Variants in N4BP2 observed in about 807,000 individuals in gnomAD.
The protein encoded by N4BP2 is NEDD4-binding protein 2.
Under a neutral mutation model 152.8 loss-of-function variants are expected in N4BP2, and 91 were observed. That is an observed-to-expected ratio of 0.60 (90% CI 0.50 to 0.71). N4BP2 has a LOEUF of 0.71. N4BP2 is among the 30% of genes least tolerant of loss of function. The probability of loss-of-function intolerance (pLI) is 0.00; values close to 1 mark genes in which losing one functional copy is unlikely to be tolerated. For synonymous variants in N4BP2, 646 were observed against 705.3 expected, an observed-to-expected ratio of 0.92 and a Z score of 1.33; for missense variants, 1,923 against 2,059.1, an observed-to-expected ratio of 0.93 and a Z score of 1.28.
At chr4:40,077,023 A>AT (rs1170628265) in intron 2 of N4BP2, among the ~76,000 whole-genome samples, 5 of 151,482 alleles carry the variant, frequency 3.3e-5, no homozygotes, top group African/African-American at 7.3e-5. Context: ...ATATAGAGAG[A>AT]TTTTTTTTGT....
chr4:40,117,683 ATAATT>A (rs1560609474), intron 7 of N4BP2, among the ~76,000 whole-genome samples, 181 bp from the exon 8 acceptor site: 2 of 152,246 alleles, frequency 1.3e-5, no homozygotes, highest in Non-Finnish European at 2.9e-5. Context: ...ACTTAAGTGT[ATAATT>A]TAAGAAATCC....
At chr4:40,077,427 C>T (rs7686083) in intron 2 of N4BP2, among the ~76,000 whole-genome samples, 54,550 of 149,330 alleles carry the variant, frequency 0.37, 10,640 homozygotes, top group Middle Eastern at 0.46. Context: ...GGATTACAGG[C>T]GTGAACCACT....
chr4:40,084,418 A>G (rs1384582805), intron 2 of N4BP2, among the ~76,000 whole-genome samples: 1 of 149,756 alleles, frequency 6.7e-6, no homozygotes, highest in Non-Finnish European at 1.5e-5. Context: ...TCACTTTTAG[A>G]TATGCCTGGT....
chr4:40,098,048 C>G lies in N4BP2; in HGVS notation c.229+479C>G, dbSNP rs1188350573. On this transcript the variant is annotated intron_variant, in intron 3 of 17. Coordinates refer to ENST00000261435, the MANE Select transcript of N4BP2 (RefSeq NM_018177.6). Reference sequence around the variant, plus strand: ...ATTGTACCTCGTTGAGAACCACTCTCCTAGAATGTAAGCTCCATAAAGACA... The same window carrying G: ...ATTGTACCTCGTTGAGAACCACTCTGCTAGAATGTAAGCTCCATAAAGACA... Among the ~76,000 whole-genome samples, 3 of 152,164 alleles carry G rather than the reference C, an allele frequency of 2.0e-5. No homozygotes were observed. The East Asian group carries it at 5.8e-4, about 29-fold the overall frequency.
At chr4:40,189,148 CACAAAACAAA>C in the N4BP2 span, among the ~76,000 whole-genome samples, 946 of 149,210 alleles carry the variant, frequency 6.3e-3, 15 homozygotes, top group East Asian at 0.067. This position sits in a 1 kb window ranked among gnomAD's most constrained non-coding sequence, Gnocchi z 4.3. Context: ...CTGTCTCAAA[CACAAAACAAA>C]ACAAAACAAA....
Position 40,121,025 on chromosome 4 carries a change from C to T in N4BP2, c.2914C>T (p.His972Tyr), listed in dbSNP as rs1450433588. 7 of 1,613,934 alleles carry T rather than the reference C, an allele frequency of 4.3e-6. No homozygotes were observed. Among genetic ancestry groups the T allele is most frequent in the Non-Finnish European group, 5.9e-6 (7 of 1,180,030 alleles). The change falls in exon 9 of 18, where the codon CAC (histidine) becomes TAC (tyrosine). Residue 972 changes from histidine to tyrosine, a missense_variant. Transcript: ENST00000261435. ...TCTAAGTAAAAAGAGTCATGGGCAA[C>T]ACACATCGTTGCCTCTTACTTTTAC... is the stretch of plus-strand genomic sequence containing the variant. The part of the protein sequence containing the change: ...TCLSKKSHGQ[H>Y]TSLPLTFTNS...
At chr4:40,057,412 C>T (rs568675654) in intron 1 of N4BP2, among the ~76,000 whole-genome samples, 6 of 152,372 alleles carry the variant, frequency 3.9e-5, no homozygotes, top group Middle Eastern at 3.4e-3. Context: ...ACCTTGCGCC[C>T]CTCCAGGCGC....
In N4BP2 at chr4:40,121,722, C is replaced by T. The variant is rs528822021; in HGVS notation, c.3611C>T (p.Ala1204Val). The T allele has an allele frequency of 1.9e-5, 31 of 1,613,896 alleles. No individual in the cohort carries two copies. In the Admixed American group the frequency reaches 2.5e-4, roughly 13 times the overall value. Residue 1204 changes from alanine to valine, a missense_variant, in exon 9 of 18, where the codon GCG becomes GTG. Transcript: ENST00000261435. ...CDAERGNSEQ[A>V]EMRAVTPENH... ...GCAGAAAGAGGAAACTCAGAGCAGG[C>T]GGAAATGAGAGCTGTCACTCCTGAA...
chr4:40,154,129 G>A (rs1721409928), intron 17 of N4BP2, 63 bp from the exon 18 acceptor site: 1 of 1,112,158 alleles, frequency 9.0e-7, no homozygotes, highest in East Asian at 2.4e-5. Flanking sequence ...TTGATTACAA[G>A]GTATATTCCT....
chr4:40,065,728 A>C (rs1733988862), intron 1 of N4BP2, among the ~76,000 whole-genome samples: 1 of 152,166 alleles, frequency 6.6e-6, no homozygotes, highest in African/African-American at 2.4e-5. Context: ...TAAAATTTTT[A>C]GACAGTTCTT....
chr4:40,188,608 G>T, the N4BP2 span, among the ~76,000 whole-genome samples: 1 of 152,042 alleles, frequency 6.6e-6, no homozygotes, highest in Non-Finnish European at 1.5e-5. Context: ...GCTGGGCGGG[G>T]TGGTGTGTGC....
intron 1 of N4BP2, among the ~76,000 whole-genome samples, chr4:40,068,685 A>G (rs1711806216): frequency 6.6e-6 from 1 of 152,174 alleles, no homozygotes; most frequent in Non-Finnish European, 1.5e-5. Context: ...TCTATCTTTA[A>G]GCCCTACCAT....
chr4:40,104,756 T>C (rs1716073878), intron 4 of N4BP2, among the ~76,000 whole-genome samples: 1 of 151,354 alleles, frequency 6.6e-6, no homozygotes, highest in South Asian at 2.1e-4. Context: ...ATTTTTTGAA[T>C]GAAGAGAGAG....
chr4:40,142,479 T>C (rs1579130615), intron 14 of N4BP2, 194 bp from the exon 15 acceptor site: 1 of 541,068 alleles, frequency 1.8e-6, no homozygotes, highest in Non-Finnish European at 3.3e-6. Context: ...AGGGTAACCT[T>C]AGCGGCATAA....
At chr4:40,070,813 G>T (rs1292208542) in intron 1 of N4BP2, among the ~76,000 whole-genome samples, 1 of 151,392 alleles carries the variant, frequency 6.6e-6, no homozygotes, top group Non-Finnish European at 1.5e-5. Flanking sequence ...TGATTGCTGT[G>T]TGGTGTTTTT....
At chr4:40,177,734 C>A in the N4BP2 span, among the ~76,000 whole-genome samples, 10 of 152,194 alleles carry the variant, frequency 6.6e-5, no homozygotes, top group African/African-American at 2.2e-4. Context: ...AGTGTCAGAT[C>A]CCTCATTTGT....
intron 12 of N4BP2, among the ~76,000 whole-genome samples, chr4:40,131,326 T>C (rs1406697106): frequency 6.6e-6 from 1 of 152,220 alleles, no homozygotes; most frequent in Non-Finnish European, 1.5e-5. Context: ...TGTGGCCTAC[T>C]TGTAGCAATT....
chr4:40,144,767 C>T lies in N4BP2; in HGVS notation c.5110C>T (p.His1704Tyr), dbSNP rs946530815. Residue 1704 changes from histidine to tyrosine, a missense_variant, in exon 16 of 18, where the codon CAT (histidine) becomes TAT (tyrosine). Transcript: ENST00000261435. ...GCTGCATGTGGATGAAGCTCTAGAA[C>T]ATTTGATGAGAGTTTTAGAGAAGAA... ...HGLHVDEALE[H>Y]LMRVLEKKTE... 2 of 1,612,850 alleles carry T rather than the reference C, an allele frequency of 1.2e-6. No homozygotes were observed. Among genetic ancestry groups the T allele is most frequent in the Non-Finnish European group, 1.7e-6 (2 of 1,179,658 alleles).
At chr4:40,147,263 G>T (rs1186961138) in intron 16 of N4BP2, among the ~76,000 whole-genome samples, 2 of 151,700 alleles carry the variant, frequency 1.3e-5, no homozygotes, top group African/African-American at 4.8e-5. Context: ...CAAGGCAGAA[G>T]AATTTTTCTT....
Sources: gnomAD v4.1 joint callset for allele counts (sites outside exome capture counted in the v4.1 genomes callset) on GRCh38, gnomAD v4.1.1 for gene constraint, Gnocchi (gnomAD v3.1) non-coding constraint, MANE v1.5 for transcripts, NCBI Gene and HGNC (gene_info 2026-07-23, HGNC 2026-07-21) for gene names.